Variants in DNAH7 observed in about 807,000 individuals in gnomAD.
The protein encoded by DNAH7 is dynein axonemal heavy chain 7.
Under a neutral mutation model 444.6 loss-of-function variants are expected in DNAH7, and 397 were observed. The observed-to-expected ratio is 0.89, with a 90% CI of 0.82 to 0.97. The LOEUF (loss-of-function observed/expected upper bound fraction) is 0.97, where lower values mean the gene tolerates loss of function less well. Ranked by LOEUF, DNAH7 falls within the 50% of genes least tolerant of loss-of-function variation. The pLI is 0.00. For missense variants in DNAH7, 4,902 were observed against 4,800.8 expected, an observed-to-expected ratio of 1.02 and a Z score of -0.62; for synonymous variants, 1,636 against 1,624.4, an observed-to-expected ratio of 1.01 and a Z score of -0.17.
chr2:196,068,473 A>C, intron 1 of DNAH7: 1 of 577,810 alleles, frequency 1.7e-6, no homozygotes, highest in Non-Finnish European at 2.9e-6. Context: ...CTAGGCGGCT[A>C]GGTTTGGTTG....
chr2:196,045,885 G>A (rs1031869968), intron 5 of DNAH7, among the ~76,000 whole-genome samples: 1 of 151,916 alleles, frequency 6.6e-6, no homozygotes, highest in Non-Finnish European at 1.5e-5. Context: ...AAAATACATT[G>A]GTAGAAGTCC....
In DNAH7 at chr2:196,001,724, A is replaced by G. The variant is rs759461256; in HGVS notation, c.1124T>C (p.Leu375Pro). 13 of 1,600,710 alleles carry G rather than the reference A, an allele frequency of 8.1e-6. No homozygotes were observed. The Admixed American group carries it at 1.9e-4, about 23-fold the overall frequency. Reference sequence around the variant, plus strand: ...GAAATCTTGCATGGAGACTAAAGTGAGGTCCTGCAGCTGTAAAGTCATAAG... The same window carrying G: ...GAAATCTTGCATGGAGACTAAAGTGGGGTCCTGCAGCTGTAAAGTCATAAG... ...AALMTLQLQD[L>P]TLVSMQDFTD... The change falls in exon 11 of 65, where the codon CTC (leucine) becomes CCC (proline). Residue 375 changes from leucine (L) to proline (P), a missense_variant. By Grantham distance (98) the Leu-to-Pro change is moderately conservative. Coordinates refer to ENST00000312428, the MANE Select transcript of DNAH7 (RefSeq NM_018897.3).
At chr2:195,873,401 T>C (rs188399500) in intron 39 of DNAH7, among the ~76,000 whole-genome samples, 167 bp downstream of exon 39, 31 of 152,320 alleles carry the variant, frequency 2.0e-4, no homozygotes, top group African/African-American at 6.7e-4. Flanking sequence ...CTTTGTGTTA[T>C]GCTCCCACAC....
chr2:195,790,242 C>T (rs1364527376), intron 57 of DNAH7, among the ~76,000 whole-genome samples: 1 of 152,090 alleles, frequency 6.6e-6, no homozygotes. Flanking sequence ...GTTAAAATGG[C>T]CATACACCCC....
intron 2 of DNAH7, among the ~76,000 whole-genome samples, chr2:196,056,678 T>C (rs1196212029): frequency 2.0e-5 from 3 of 152,132 alleles, no homozygotes; most frequent in Admixed American, 6.5e-5. Flanking sequence ...TGGCAGGACA[T>C]ACCAGTTGCC....
At chr2:195,981,027 C>T (rs1692537648) in intron 15 of DNAH7, among the ~76,000 whole-genome samples, 1 of 152,068 alleles carries the variant, frequency 6.6e-6, no homozygotes, top group African/African-American at 2.4e-5. Flanking sequence ...AAATAAAAGT[C>T]ATCCAAATCA....
rs540187838 is a variant in DNAH7 at position 195,842,994 on chromosome 2, C to T, written c.8945+2008G>A. 3.9e-5 allele frequency among the ~76,000 whole-genome samples: 6 copies of T among 152,256 alleles called. No individual in the cohort carries two copies. The South Asian group carries it at 8.3e-4, about 21-fold the overall frequency. Reference sequence around the variant, plus strand: ...CTAATATGTAGGACATGACCAGCTACGTTCACAAGAGCTTGAGAAGAGCCA... The same window carrying T: ...CTAATATGTAGGACATGACCAGCTATGTTCACAAGAGCTTGAGAAGAGCCA... On this transcript the variant is annotated intron_variant, in intron 47 of 64. Coordinates refer to ENST00000312428, the MANE Select transcript of DNAH7 (RefSeq NM_018897.3).
At chr2:195,771,032 G>A (rs1420719255) in intron 61 of DNAH7, among the ~76,000 whole-genome samples, 3 of 151,896 alleles carry the variant, frequency 2.0e-5, no homozygotes, top group African/African-American at 4.8e-5. Context: ...ACTAAAATGT[G>A]AGCCTGGGCC....
chr2:195,875,323 C>T (rs553885752), intron 38 of DNAH7, among the ~76,000 whole-genome samples: 7 of 151,944 alleles, frequency 4.6e-5, no homozygotes, highest in Non-Finnish European at 8.8e-5. Context: ...GATGTGAGTT[C>T]TCAGAAGGCA....
intron 15 of DNAH7, among the ~76,000 whole-genome samples, chr2:195,978,251 G>A (rs1692332508): frequency 1.3e-5 from 2 of 152,006 alleles, no homozygotes; most frequent in Admixed American, 6.6e-5. Flanking sequence ...AAAGCAGGGG[G>A]ATACAGTCAA....
intron 54 of DNAH7, among the ~76,000 whole-genome samples, chr2:195,800,456 T>G (rs1393213288): frequency 6.6e-6 from 1 of 152,230 alleles, no homozygotes; most frequent in East Asian, 1.9e-4. Context: ...CATGATATTG[T>G]TAATTCGGCT....
chr2:195,775,830 T>G lies in DNAH7; in HGVS notation c.11202+16A>C, dbSNP rs752183322. On this transcript the variant is annotated intron_variant, in intron 60 of 64. Transcript: ENST00000312428. Reference sequence around the variant, plus strand: ...TTCCCAGGCCTCAGAATCCAGGTCCTATACAGATCACACACCTGTGTAAGA... The same window carrying G: ...TTCCCAGGCCTCAGAATCCAGGTCCGATACAGATCACACACCTGTGTAAGA... 4 of 1,613,042 alleles carry G rather than the reference T, an allele frequency of 2.5e-6. No individual in the cohort carries two copies. Among genetic ancestry groups the G allele is most frequent in the Non-Finnish European group, 3.4e-6 (4 of 1,179,390 alleles).
intron 61 of DNAH7, among the ~76,000 whole-genome samples, chr2:195,766,189 T>TTTTTTTTTTTTTTTTTTTTA (rs1694577607): frequency 7.2e-6 from 1 of 138,846 alleles, no homozygotes; most frequent in Non-Finnish European, 1.6e-5. Context: ...TTTTTTTTTT[T>TTTTTTTTTTTTTTTTTTTTA]TTGAGACAGA....
chr2:195,763,856 G>A (rs940517764), intron 61 of DNAH7, among the ~76,000 whole-genome samples: 3 of 151,630 alleles, frequency 2.0e-5, no homozygotes, highest in Admixed American at 1.3e-4. Context: ...GAGGTGGAGG[G>A]AATAATTACA....
chr2:195,932,950 G>T (rs547191522), intron 21 of DNAH7, among the ~76,000 whole-genome samples: 1 of 152,258 alleles, frequency 6.6e-6, no homozygotes, highest in South Asian at 2.1e-4. Context: ...AGTTAGGGAA[G>T]ATTCCCTCTT....
intron 63 of DNAH7, among the ~76,000 whole-genome samples, chr2:195,746,145 G>T (rs1326305326): frequency 6.6e-6 from 1 of 152,140 alleles, no homozygotes; most frequent in Non-Finnish European, 1.5e-5. Flanking sequence ...ATAAAAGGAT[G>T]GAGGAAGATC....
intron 57 of DNAH7, among the ~76,000 whole-genome samples, chr2:195,792,979 G>T (rs899253469): frequency 6.6e-6 from 1 of 152,084 alleles, no homozygotes; most frequent in Non-Finnish European, 1.5e-5. Flanking sequence ...ACCCAGGCTG[G>T]AGTGCAGTGG....
chr2:195,947,557 TC>T (rs1166496190), intron 19 of DNAH7, among the ~76,000 whole-genome samples: 1 of 152,128 alleles, frequency 6.6e-6, no homozygotes, highest in African/African-American at 2.4e-5. Flanking sequence ...GGTTTTCTGT[TC>T]CTGTGTTAGT....
At chr2:195,953,716 T>C (rs1365971536) in intron 19 of DNAH7, among the ~76,000 whole-genome samples, 1 of 152,208 alleles carries the variant, frequency 6.6e-6, no homozygotes, top group Admixed American at 6.5e-5. Context: ...CAGTTGGAAC[T>C]TCCCAGCGGC....
Sources: gnomAD v4.1 joint callset for allele counts (sites outside exome capture counted in the v4.1 genomes callset) on GRCh38, gnomAD v4.1.1 for gene constraint, MANE v1.5 for transcripts, NCBI Gene and HGNC (gene_info 2026-07-23, HGNC 2026-07-21) for gene names.